FSTL5: variants seen among roughly 807,000 people sequenced by gnomAD.
FSTL5 encodes the protein follistatin like 5, also known as follistatin-related protein 5.
Under a neutral mutation model 89.1 loss-of-function variants are expected in FSTL5, and 62 were observed. The observed-to-expected ratio is 0.70, with a 90% CI of 0.57 to 0.86. The LOEUF is 0.86. Among genes scored for constraint, FSTL5 ranks in the 40% least tolerant of loss-of-function variants. The pLI is 0.00. For missense variants in FSTL5, 1,057 were observed against 1,001.6 expected, an observed-to-expected ratio of 1.06 and a Z score of -0.75; for synonymous variants, 383 against 346.2, an observed-to-expected ratio of 1.11 and a Z score of -1.18.
intron 10 of FSTL5, among the ~76,000 whole-genome samples, chr4:161,519,906 A>C (rs1730967063): frequency 6.6e-6 from 1 of 152,164 alleles, no homozygotes; most frequent in Admixed American, 6.5e-5. Context: ...ACAATTTAAA[A>C]ATAAAATGAT....
chr4:161,437,088 T>TA (rs1732582692), intron 15 of FSTL5, among the ~76,000 whole-genome samples: 1 of 152,222 alleles, frequency 6.6e-6, no homozygotes, highest in Non-Finnish European at 1.5e-5. Context: ...ATAACGCCAT[T>TA]AAAATAGAAA....
intron 4 of FSTL5, among the ~76,000 whole-genome samples, chr4:161,840,116 T>G (rs1479282624): frequency 6.6e-6 from 1 of 152,146 alleles, no homozygotes; most frequent in Non-Finnish European, 1.5e-5. Flanking sequence ...TACCTGTTAT[T>G]TGTAGAAGCC....
At chr4:162,141,749 T>C (rs1274651688) in intron 1 of FSTL5, among the ~76,000 whole-genome samples, 1 of 152,106 alleles carries the variant, frequency 6.6e-6, no homozygotes, top group African/African-American at 2.4e-5. Context: ...TTCACAGATA[T>C]TCAAATGTAT....
chr4:161,900,657 AAG>A lies in FSTL5; in HGVS notation c.409+19745_409+19746del, dbSNP rs1238980193. 2.6e-4 allele frequency among the ~76,000 whole-genome samples: 25 copies of A among 96,204 alleles called. 1 individual carries two copies. Among genetic ancestry groups the A allele is most frequent in the Middle Eastern group, 8.1e-3 (1 of 124 alleles). 63.1% of individuals were successfully genotyped at this position (96,204 alleles called of 152,430 possible). The stretch of plus-strand genomic sequence containing the variant: ...CCATCTCAAAAAAAAAAAAAAAAAA[AAG>A]AAAGAAAGAAAGAAAGAAAAGAAAA... On this transcript the variant is annotated intron_variant, in intron 4 of 15. Coordinates refer to ENST00000306100, the MANE Select transcript of FSTL5 (RefSeq NM_020116.5).
At chr4:161,614,178 T>C (rs1734760353) in intron 7 of FSTL5, among the ~76,000 whole-genome samples, 1 of 152,276 alleles carries the variant, frequency 6.6e-6, no homozygotes, top group Non-Finnish European at 1.5e-5. Flanking sequence ...ATAATTATTG[T>C]ACCTCAAAAT....
chr4:161,809,943 C>G (rs1188935476), intron 4 of FSTL5, among the ~76,000 whole-genome samples: 1 of 152,092 alleles, frequency 6.6e-6, no homozygotes, highest in African/African-American at 2.4e-5. Context: ...GGTACTTATA[C>G]CACAGAATAT....
rs1731851780 is a variant in FSTL5, at chr4:161,860,057, G to T, written c.409+60347C>A. On this transcript the variant is annotated intron_variant, in intron 4 of 15. Coordinates refer to ENST00000306100, the MANE Select transcript of FSTL5 (RefSeq NM_020116.5). ...TAATCACAGCACTTTGGGAGGCCAA[G>T]GTGGGCGGATCACAAGGTCAGGAGA... Among the ~76,000 whole-genome samples, 3 of 152,146 alleles carry T rather than the reference G, an allele frequency of 2.0e-5. No homozygotes were observed. The South Asian group carries it at 6.2e-4, about 32-fold the overall frequency.
intron 3 of FSTL5, among the ~76,000 whole-genome samples, chr4:161,941,853 C>T (rs59535471): frequency 0.39 from 59,095 of 151,672 alleles, 11,811 homozygotes; most frequent in Middle Eastern, 0.55. Context: ...CTCAAGTGCA[C>T]AGAAAACATG....
intron 10 of FSTL5, among the ~76,000 whole-genome samples, chr4:161,514,051 T>C (rs1018643401): frequency 1.3e-5 from 2 of 152,092 alleles, no homozygotes; most frequent in East Asian, 3.8e-4. Flanking sequence ...CAATATAATT[T>C]AACCAAACAA....
At chr4:161,542,279 ATAATTTAATATT>A (rs1731844761) in intron 9 of FSTL5, among the ~76,000 whole-genome samples, 1 of 152,064 alleles carries the variant, frequency 6.6e-6, no homozygotes, top group African/African-American at 2.4e-5. Context: ...TTAAAGATAC[ATAATTTAATATT>A]TTACTTATCA....
rs779611336 is a variant in FSTL5, at chr4:161,538,328, T to C, written c.1178-28A>G. Reference sequence around the variant, plus strand: ...GAAAAAAGAAGGGAAATGCAACTTGTAAACTACAATTTCAGTTTTGGAACA... The same window carrying C: ...GAAAAAAGAAGGGAAATGCAACTTGCAAACTACAATTTCAGTTTTGGAACA... On this transcript the variant is annotated intron_variant, in intron 9 of 15. Transcript: ENST00000306100. 3.7e-6 allele frequency: 6 copies of C among 1,612,980 alleles called. No individual in the cohort carries two copies. The East Asian group carries it at 1.1e-4, about 30-fold the overall frequency.
intron 1 of FSTL5, among the ~76,000 whole-genome samples, chr4:162,138,656 T>G (rs771645658): frequency 4.8e-4 from 73 of 152,140 alleles, no homozygotes; most frequent in Non-Finnish European, 2.2e-4. Flanking sequence ...AATAATAAAA[T>G]AAAATCTGTA....
chr4:161,887,994 G>A (rs997269831), intron 4 of FSTL5, among the ~76,000 whole-genome samples: 1 of 152,058 alleles, frequency 6.6e-6, no homozygotes, highest in African/African-American at 2.4e-5. Flanking sequence ...AGTCCAACTG[G>A]AAGTTGTCAG....
chr4:161,464,493 G>A (rs1055264799), intron 13 of FSTL5, among the ~76,000 whole-genome samples: 3 of 151,938 alleles, frequency 2.0e-5, no homozygotes, highest in Non-Finnish European at 2.9e-5. Flanking sequence ...TCCTTGCTCC[G>A]CAGTTTTACA....
At chr4:161,801,199 G>C (rs994560238) in intron 4 of FSTL5, among the ~76,000 whole-genome samples, 5 of 151,680 alleles carry the variant, frequency 3.3e-5, no homozygotes, top group African/African-American at 1.2e-4. Flanking sequence ...TTTATTGTAA[G>C]GGGGCAAGTA....
chr4:161,641,018 G>T (rs1376494976), intron 7 of FSTL5, among the ~76,000 whole-genome samples: 3 of 152,248 alleles, frequency 2.0e-5, no homozygotes, highest in African/African-American at 7.2e-5. Context: ...AGTGCTAAAA[G>T]AAATAAGCTG....
chr4:162,094,427 A>C (rs1434530578), intron 2 of FSTL5, among the ~76,000 whole-genome samples: 1 of 152,174 alleles, frequency 6.6e-6, no homozygotes, highest in Non-Finnish European at 1.5e-5. Context: ...GAAGGCATAC[A>C]CGAGAATTTC....
chr4:161,587,484 A>G lies in FSTL5; in HGVS notation c.986T>C (p.Val329Ala), dbSNP rs752381661. ...CACTTGGAAGATGTGAGTCTGATAG[A>G]CTTGTTCATAGCCATCTGCATAGCA... ...YTCYADGYEQ[V>A]YQTHIFQVNV... Residue 329 changes from valine (V) to alanine (A), a missense_variant, in exon 8 of 16, where the codon GTC becomes GCC. Transcript: ENST00000306100. 4 of 1,613,384 alleles carry G rather than the reference A, an allele frequency of 2.5e-6. No individual in the cohort carries two copies. Among genetic ancestry groups the G allele is most frequent in the Non-Finnish European group, 2.5e-6 (3 of 1,179,514 alleles).
chr4:162,077,765 C>A (rs1201187824), intron 2 of FSTL5, among the ~76,000 whole-genome samples: 1 of 151,758 alleles, frequency 6.6e-6, no homozygotes, highest in Non-Finnish European at 1.5e-5. Context: ...CAGAATATAA[C>A]AATGGATTCT....
Sources: allele counts gnomAD v4.1 joint callset (sites outside exome capture counted in the v4.1 genomes callset), GRCh38; gene constraint gnomAD v4.1.1; transcripts MANE v1.5; gene names NCBI Gene and HGNC (gene_info 2026-07-23, HGNC 2026-07-21).